Variants in MAP4K4 observed in about 807,000 individuals in gnomAD.
MAP4K4 encodes HPK/GCK-like kinase HGK.
A neutral mutation model predicts 189.6 loss-of-function variants in MAP4K4; 38 were observed. The ratio of observed to expected loss-of-function variants is 0.20; its 90% CI spans 0.15 to 0.26. MAP4K4 has a LOEUF of 0.26. Among genes scored for constraint, MAP4K4 ranks in the 10% least tolerant of loss-of-function variants. MAP4K4 has a pLI of 1.00. For missense variants in MAP4K4, 1,054 were observed against 1,726.9 expected (o/e 0.61, Z 6.91); for synonymous variants, 610 against 624.3 (o/e 0.98, Z 0.34).
intron 2 of MAP4K4, among the ~76,000 whole-genome samples, chr2:101,719,605 T>C (rs975474629): frequency 2.0e-5 from 3 of 152,200 alleles, no homozygotes; most frequent in East Asian, 1.9e-4. Context: ...GAAAGACTTT[T>C]AGGCAAGCTT....
At chr2:101,796,784 G>C (rs543021297) in intron 3 of MAP4K4, among the ~76,000 whole-genome samples, 1 of 143,496 alleles carries the variant, frequency 7.0e-6, no homozygotes, top group Non-Finnish European at 1.6e-5. Context: ...CCAGTATACT[G>C]GAAGAGCCAG....
intron 26 of MAP4K4, among the ~76,000 whole-genome samples, chr2:101,876,107 G>T (rs1208485686): frequency 6.6e-6 from 1 of 152,216 alleles, no homozygotes; most frequent in African/African-American, 2.4e-5. Context: ...GTTTTAGCTA[G>T]TTTGGCAGAG....
chr2:101,700,624 C>T (rs964065045), intron 2 of MAP4K4, among the ~76,000 whole-genome samples: 8 of 152,078 alleles, frequency 5.3e-5, no homozygotes, highest in Admixed American at 1.3e-4. Flanking sequence ...TCTTCTTTTC[C>T]TCCTTTATTT....
rs1440701989 is a variant in MAP4K4 at position 101,774,369 on chromosome 2, C to T, written c.124-16351C>T. 5.9e-5 allele frequency among the ~76,000 whole-genome samples: 9 copies of T among 152,262 alleles called. No homozygotes were observed. The South Asian group carries it at 8.3e-4, about 14-fold the overall frequency. ...CATTTGTATGTCTTCTTTTGAGAAA[C>T]GTCTGTTGAAGTCTTTTGCCCATTT... On this transcript the variant is annotated intron_variant, in intron 2 of 32. Coordinates refer to ENST00000324219, the Ensembl canonical transcript of MAP4K4.
In MAP4K4 at chr2:101,842,767, G is replaced by T; in HGVS notation, c.1022+86G>T. ...CCAGGACTGCAGAAGACTCCTGTGT[G>T]GTACAAAGAATCTTAAATTACTTAG... On this transcript the variant is annotated intron_variant, in intron 11 of 32. Coordinates refer to ENST00000324219, the Ensembl canonical transcript of MAP4K4. 5 of 928,582 alleles carry T rather than the reference G, an allele frequency of 5.4e-6. No homozygotes were observed. In the South Asian group the frequency reaches 7.3e-5, roughly 14 times the overall value. 57.5% of individuals were successfully genotyped at this position (928,582 alleles called of 1,614,324 possible). A position where few individuals can be genotyped will look rare whatever the true frequency, so the allele number is the denominator to read the frequency against.
intron 32 of MAP4K4, among the ~76,000 whole-genome samples, chr2:101,889,893 C>A (rs1577531623): frequency 6.6e-6 from 1 of 152,144 alleles, no homozygotes; most frequent in East Asian, 1.9e-4. Flanking sequence ...TCACCTCTAC[C>A]CACTGTCTTC....
chr2:101,816,062 C>T (rs1275958394), intron 3 of MAP4K4, among the ~76,000 whole-genome samples: 2 of 152,316 alleles, frequency 1.3e-5, no homozygotes, highest in East Asian at 3.9e-4. Flanking sequence ...TCAGAGACTC[C>T]TCTGGGCGCC....
intron 5 of MAP4K4, among the ~76,000 whole-genome samples, chr2:101,828,211 T>C (rs532439899): frequency 1.6e-4 from 24 of 152,306 alleles, no homozygotes; most frequent in African/African-American, 5.8e-4. Flanking sequence ...ATGTGGGTGC[T>C]TATGTTTGTT....
intron 7 of MAP4K4, among the ~76,000 whole-genome samples, chr2:101,833,211 C>A (rs1192876566): frequency 6.6e-6 from 1 of 152,124 alleles, no homozygotes; most frequent in East Asian, 1.9e-4. Context: ...TTTAGAAAAC[C>A]TTTAAATTGA....
chr2:101,720,046 G>T (rs919944365), intron 2 of MAP4K4, among the ~76,000 whole-genome samples: 2 of 151,992 alleles, frequency 1.3e-5, no homozygotes, highest in Non-Finnish European at 2.9e-5. Context: ...ACAGTGGATG[G>T]AAGGTAGAAA....
chr2:101,753,543 C>G, intron 2 of MAP4K4, among the ~76,000 whole-genome samples: 1 of 152,080 alleles, frequency 6.6e-6, no homozygotes, highest in East Asian at 1.9e-4. Context: ...CAGTGGCATT[C>G]TAAGATCTCA....
chr2:101,760,443 T>C lies in MAP4K4; in HGVS notation c.124-30277T>C, dbSNP rs183106362. On this transcript the variant is annotated intron_variant, in intron 2 of 32. Coordinates refer to ENST00000324219, the Ensembl canonical transcript of MAP4K4. ...GGCAGAGGTTGTAGTGAGCTGAGAT[T>C]GTGCCACTGCACTCCAGCCTGGCAA... 1.3e-3 allele frequency among the ~76,000 whole-genome samples: 190 copies of C among 148,074 alleles called. 1 individual carries two copies. Among genetic ancestry groups the C allele is most frequent in the African/African-American group, 4.6e-3 (186 of 40,046 alleles).
At chr2:101,801,620 C>T (rs2094382734) in intron 3 of MAP4K4, among the ~76,000 whole-genome samples, 1 of 152,162 alleles carries the variant, frequency 6.6e-6, no homozygotes, top group Non-Finnish European at 1.5e-5. Flanking sequence ...CCACTCTTAC[C>T]AGTTCTGGGA....
chr2:101,756,860 C>G (rs56379031), intron 2 of MAP4K4, among the ~76,000 whole-genome samples: 29,763 of 151,722 alleles, frequency 0.2, 3,808 homozygotes, highest in Non-Finnish European at 0.28. Context: ...AGCTGCTGCA[C>G]CAAGCCATTA....
At chr2:101,736,196 G>C (rs2149675900) in intron 2 of MAP4K4, among the ~76,000 whole-genome samples, 1 of 152,310 alleles carries the variant, frequency 6.6e-6, no homozygotes, top group South Asian at 2.1e-4. Context: ...CTAACTTTCA[G>C]CTGTCCAAAT....
At chr2:101,762,712 A>G (rs2077013260) in intron 2 of MAP4K4, among the ~76,000 whole-genome samples, 1 of 152,222 alleles carries the variant, frequency 6.6e-6, no homozygotes, top group Admixed American at 6.5e-5. Context: ...TGTGTTGCAC[A>G]AAGCTGTACT....
intron 28 of MAP4K4, among the ~76,000 whole-genome samples, chr2:101,883,771 G>T (rs1050865205): frequency 6.6e-6 from 1 of 151,998 alleles, no homozygotes; most frequent in Non-Finnish European, 1.5e-5. Context: ...ATGTTGTCAT[G>T]CTTGGCATTG....
At chr2:101,885,519 C>A (rs530017500) in intron 29 of MAP4K4, among the ~76,000 whole-genome samples, 1 of 152,154 alleles carries the variant, frequency 6.6e-6, no homozygotes, top group African/African-American at 2.4e-5. Context: ...ACACTTTAAT[C>A]GATGTGGCAA....
intron 26 of MAP4K4, 151 bp from the exon 27 acceptor site, chr2:101,876,852 T>C: frequency 1.4e-6 from 1 of 693,164 alleles, no homozygotes; most frequent in Non-Finnish European, 2.4e-6. Context: ...ACTTTAACTG[T>C]TTAACCTTTG....
Sources: gnomAD v4.1 joint callset for allele counts (sites outside exome capture counted in the v4.1 genomes callset) on GRCh38, gnomAD v4.1.1 for gene constraint, MANE v1.5 for transcripts, NCBI Gene and HGNC (gene_info 2026-07-23, HGNC 2026-07-21) for gene names.